Variants in LIFR observed in about 807,000 individuals in gnomAD.
The protein encoded by LIFR is leukemia inhibitory factor receptor.
A neutral mutation model predicts 122.2 loss-of-function variants in LIFR; 84 were observed. The observed-to-expected ratio is 0.69, with a 90% CI of 0.58 to 0.82. The LOEUF (loss-of-function observed/expected upper bound fraction) is 0.82. Among genes scored for constraint, LIFR ranks in the 40% least tolerant of loss-of-function variants. The pLI, the probability that LIFR is intolerant of heterozygous loss-of-function variation, is 0.00. For synonymous variants in LIFR, 422 were observed against 434.7 expected (o/e 0.97, Z 0.36); for missense variants, 1,294 against 1,311.6 (o/e 0.99, Z 0.21).
At chr5:38,550,609 T>C (rs1748150733) in intron 1 of LIFR, among the ~76,000 whole-genome samples, 1 of 152,246 alleles carries the variant, frequency 6.6e-6, no homozygotes. Flanking sequence ...AACATGGCAA[T>C]CTGAAGTTCT....
At chr5:38,589,665 T>C (rs930651842) in intron 1 of LIFR, among the ~76,000 whole-genome samples, 1 of 152,048 alleles carries the variant, frequency 6.6e-6, no homozygotes, top group Non-Finnish European at 1.5e-5. Flanking sequence ...TTATTAAAAT[T>C]TAATTCCCAA....
intron 5 of LIFR, among the ~76,000 whole-genome samples, chr5:38,517,578 C>T (rs1023011670): frequency 2.0e-5 from 3 of 152,018 alleles, no homozygotes; most frequent in African/African-American, 2.4e-5. Context: ...GGCTTTAAGG[C>T]TGGGCGCGGT....
At chr5:38,579,857 C>T (rs1749525737) in intron 1 of LIFR, among the ~76,000 whole-genome samples, 1 of 152,098 alleles carries the variant, frequency 6.6e-6, no homozygotes, top group Non-Finnish European at 1.5e-5. Context: ...GAATTCTATG[C>T]AAATATCTTA....
At chr5:38,517,714 G>C (rs779104919) in intron 5 of LIFR, among the ~76,000 whole-genome samples, 4 of 151,492 alleles carry the variant, frequency 2.6e-5, no homozygotes, top group African/African-American at 9.7e-5. Context: ...AAAGTTAGTC[G>C]GGCGTGGTGG....
chr5:38,510,501 G>C lies in LIFR; in HGVS notation c.954C>G (p.Thr318=). The C allele has an allele frequency of 1.2e-6, 2 of 1,613,346 alleles. No homozygotes were observed. The highest frequency in any genetic ancestry group is 8.5e-7 in the Non-Finnish European group (1 of 1,179,650). The change falls in exon 7 of 20, where the codon ACC becomes ACG. Residue 318 remains threonine, a synonymous_variant. Coordinates refer to ENST00000453190, the MANE Select transcript of LIFR (RefSeq NM_001127671.2). ...TAACGGTTCCAAATATGTTATCTTCGGTTGTAAAAACTACATTTGTTCCAC... is the reference window on the plus strand; with the variant it reads ...TAACGGTTCCAAATATGTTATCTTCCGTTGTAAAAACTACATTTGTTCCAC... ...ASSGTNVVFT[T]EDNIFGTVIF...
intron 14 of LIFR, 116 bp downstream of exon 14, chr5:38,493,490 A>G: frequency 9.9e-7 from 1 of 1,007,776 alleles, no homozygotes; most frequent in Non-Finnish European, 1.6e-6. Flanking sequence ...CAGGAAAGTC[A>G]AACCTATTTA....
intron 1 of LIFR, among the ~76,000 whole-genome samples, chr5:38,566,190 A>T (rs1334413096): frequency 2.6e-5 from 4 of 152,160 alleles, no homozygotes; most frequent in Admixed American, 2.6e-4. Context: ...TGAGTATTTG[A>T]TTTCTCAATG....
At chr5:38,496,699 G>T in intron 12 of LIFR, 104 bp from the exon 13 acceptor site, 1 of 831,958 alleles carries the variant, frequency 1.2e-6, no homozygotes. Flanking sequence ...TAACAAGGTT[G>T]GCCAGGCGTG....
At position 38,479,617 on chromosome 5, in the gene LIFR, C is replaced by A. The variant is rs1036529684; in HGVS notation, c.*1978G>T. On this transcript the variant is annotated 3_prime_UTR_variant, in exon 20 of 20. Coordinates refer to ENST00000453190, the MANE Select transcript of LIFR (RefSeq NM_001127671.2). ...TTACTGTAGCCACACTTATCCTTGT[C>A]CTGGAGAGATAAAGTACGGGATTGA... The A allele has an allele frequency of 6.1e-5, 14 of 229,978 alleles. No homozygotes were observed. Among genetic ancestry groups the A allele is most frequent in the Non-Finnish European group, 1.1e-4 (13 of 116,152 alleles). 14.2% of individuals were successfully genotyped at this position (229,978 alleles called of 1,614,324 possible).
chr5:38,535,121 T>C (rs898377184), intron 1 of LIFR, among the ~76,000 whole-genome samples: 1 of 152,132 alleles, frequency 6.6e-6, no homozygotes, highest in Non-Finnish European at 1.5e-5. Context: ...ATACAATCCA[T>C]ACAACTGGAG....
intron 3 of LIFR, among the ~76,000 whole-genome samples, chr5:38,527,985 G>A (rs974635358): frequency 7.2e-5 from 11 of 152,150 alleles, no homozygotes; most frequent in Admixed American, 2.6e-4. Flanking sequence ...TTAGGGCTGG[G>A]TGCTTAGGAC....
chr5:38,534,375 A>G (rs902291988), intron 1 of LIFR, among the ~76,000 whole-genome samples: 2 of 152,130 alleles, frequency 1.3e-5, no homozygotes, highest in Non-Finnish European at 2.9e-5. Flanking sequence ...AAAAACATAC[A>G]CTTGGCCAGA....
intron 1 of LIFR, among the ~76,000 whole-genome samples, chr5:38,590,491 TG>T (rs1410652493): frequency 1.3e-5 from 2 of 152,202 alleles, no homozygotes; most frequent in African/African-American, 4.8e-5. Flanking sequence ...GCAGTGGTCC[TG>T]TGATATTTTA....
intron 3 of LIFR, 43 bp downstream of exon 3, chr5:38,528,683 A>T: frequency 8.5e-7 from 1 of 1,178,126 alleles, no homozygotes; most frequent in Non-Finnish European, 1.2e-6. Flanking sequence ...TCGTTTCTGC[A>T]ATTCAACCTA....
chr5:38,597,378 G>T (rs1166887289), upstream of LIFR, among the ~76,000 whole-genome samples: 2 of 152,198 alleles, frequency 1.3e-5, no homozygotes, highest in Non-Finnish European at 2.9e-5. Flanking sequence ...GGGGTGAGAG[G>T]ATGCCAAAAG....
Position 38,484,040 on chromosome 5 carries a change from C to T in LIFR, c.2591+735G>A, listed in dbSNP as rs538055787. 3.3e-5 allele frequency among the ~76,000 whole-genome samples: 5 copies of T among 152,306 alleles called. No homozygotes were observed. The East Asian group carries it at 9.7e-4, about 29-fold the overall frequency. ...GTTTCACCAGGCACACAGCTCCTCC[C>T]ACTTTCTCTGAAGGTTTGACTCTTT... On this transcript the variant is annotated intron_variant, in intron 18 of 19. Coordinates refer to ENST00000453190, the MANE Select transcript of LIFR (RefSeq NM_001127671.2).
At chr5:38,550,408 A>G (rs1748139780) in intron 1 of LIFR, 1 of 173,296 alleles carries the variant, frequency 5.8e-6, no homozygotes, top group African/African-American at 2.4e-5. Context: ...GCTGAACTTA[A>G]CAGAATGGCT....
intron 18 of LIFR, 89 bp from the exon 19 acceptor site, chr5:38,482,756 T>C (rs1744065317): frequency 5.1e-6 from 3 of 583,772 alleles, no homozygotes; most frequent in Middle Eastern, 4.8e-4. Flanking sequence ...TTTTGAAGTA[T>C]TTATGAATCC....
At chr5:38,549,465 G>A (rs1391704735) in intron 1 of LIFR, among the ~76,000 whole-genome samples, 2 of 152,120 alleles carry the variant, frequency 1.3e-5, no homozygotes, top group Non-Finnish European at 2.9e-5. Flanking sequence ...CTATTATTGA[G>A]CATTTAAGGT....
Sources: gnomAD v4.1 joint callset for allele counts (sites outside exome capture counted in the v4.1 genomes callset) on GRCh38, gnomAD v4.1.1 for gene constraint, MANE v1.5 for transcripts, NCBI Gene and HGNC (gene_info 2026-07-23, HGNC 2026-07-21) for gene names.